The following PTK2 variants were observed in gnomAD, a reference collection of about 807,000 sequenced individuals.
The protein encoded by PTK2 is protein tyrosine kinase 2.
A neutral mutation model predicts 150.1 loss-of-function variants in PTK2; 45 were observed. The ratio of observed to expected loss-of-function variants is 0.30; its 90% CI spans 0.24 to 0.38. The LOEUF is 0.38. PTK2 is among the 10% of genes least tolerant of loss of function. The pLI is 1.00. For missense variants in PTK2, 919 were observed against 1,307.3 expected, an observed-to-expected ratio of 0.70 and a Z score of 4.58; for synonymous variants, 432 against 449.2, an observed-to-expected ratio of 0.96 and a Z score of 0.48.
At chr8:140,736,527 CA>C (rs113241429) in intron 21 of PTK2, among the ~76,000 whole-genome samples, 37 of 143,272 alleles carry the variant, frequency 2.6e-4, no homozygotes, top group Admixed American at 6.2e-4. Flanking sequence ...ATCTAAAATT[CA>C]AAAAAAAAAA....
At chr8:140,660,640 G>A (rs1238922758) in intron 31 of PTK2, 6 of 455,144 alleles carry the variant, frequency 1.3e-5, no homozygotes, top group Admixed American at 2.4e-5. Flanking sequence ...GTGGGAGGAC[G>A]GCTTGAGCCT....
exon 5 of PTK2, chr8:140,864,362 G>A: frequency 6.2e-7 from 1 of 1,600,242 alleles, no homozygotes; most frequent in Non-Finnish European, 8.5e-7. Flanking sequence ...AACTGGTTTA[G>A]AAATCCTTTT....
chr8:140,689,331 C>T (rs1274979207), intron 26 of PTK2, among the ~76,000 whole-genome samples: 2 of 152,078 alleles, frequency 1.3e-5, no homozygotes, highest in South Asian at 4.1e-4. Context: ...CCTGAGAAGA[C>T]GAGACTCCAG....
At chr8:140,838,797 G>C (rs968997867) in intron 7 of PTK2, among the ~76,000 whole-genome samples, 1 of 152,130 alleles carries the variant, frequency 6.6e-6, no homozygotes, top group East Asian at 1.9e-4. Context: ...ACAAGGTCAG[G>C]AGATCGAGAC....
At chr8:140,676,791 A>T (rs1348254163) in intron 27 of PTK2, among the ~76,000 whole-genome samples, 3 of 143,472 alleles carry the variant, frequency 2.1e-5, no homozygotes, top group Admixed American at 7.0e-5. Context: ...AAAAAAAAAT[A>T]GCCAGGTGTG....
chr8:140,678,602 T>G (rs981896188), intron 27 of PTK2, among the ~76,000 whole-genome samples: 1 of 151,918 alleles, frequency 6.6e-6, no homozygotes, highest in Non-Finnish European at 1.5e-5. Context: ...GATCCACCCA[T>G]CTTGGCCTCC....
intron 2 of PTK2, among the ~76,000 whole-genome samples, chr8:140,901,407 C>T (rs2154607696): frequency 6.6e-6 from 1 of 151,992 alleles, no homozygotes; most frequent in East Asian, 1.9e-4. Flanking sequence ...GCAACTAAAG[C>T]AAAAATAAGA....
At chr8:140,859,167 G>C (rs1197265254) in intron 5 of PTK2, among the ~76,000 whole-genome samples, 1 of 152,170 alleles carries the variant, frequency 6.6e-6, no homozygotes, top group Non-Finnish European at 1.5e-5. Flanking sequence ...TTTACCTTAA[G>C]GGTAGAACTG....
chr8:140,750,939 C>T (rs541920744), intron 17 of PTK2, among the ~76,000 whole-genome samples: 107 of 152,116 alleles, frequency 7.0e-4, no homozygotes, highest in African/African-American at 2.5e-3. Flanking sequence ...ACAAAAAAAC[C>T]AACCAACCAA....
intron 17 of PTK2, among the ~76,000 whole-genome samples, chr8:140,748,310 A>G (rs554705035): frequency 1.3e-5 from 2 of 152,232 alleles, no homozygotes; most frequent in Non-Finnish European, 2.9e-5. Flanking sequence ...CCTGGCCAAC[A>G]TGGTGAAACC....
chr8:140,757,833 T>G (rs1234962685), intron 16 of PTK2, among the ~76,000 whole-genome samples: 1 of 152,184 alleles, frequency 6.6e-6, no homozygotes, highest in African/African-American at 2.4e-5. Context: ...TCTCATAAGA[T>G]TATAAAGAAG....
intron 2 of PTK2, among the ~76,000 whole-genome samples, chr8:140,903,398 T>C (rs2100159558): frequency 6.6e-6 from 1 of 152,198 alleles, no homozygotes; most frequent in Non-Finnish European, 1.5e-5. Flanking sequence ...CTGTTTGGGA[T>C]ACTGTAGCCT....
chr8:140,996,424 C>T (rs1161379045), intron 1 of PTK2, among the ~76,000 whole-genome samples: 1 of 152,218 alleles, frequency 6.6e-6, no homozygotes, highest in Non-Finnish European at 1.5e-5. Context: ...ACACTAAACA[C>T]ATTTTAAATG....
intron 18 of PTK2, among the ~76,000 whole-genome samples, chr8:140,745,433 C>T (rs914012928): frequency 6.6e-6 from 1 of 152,112 alleles, no homozygotes; most frequent in African/African-American, 2.4e-5. Flanking sequence ...ATTTTTTGAG[C>T]CGGAAGAATT....
intron 1 of PTK2, among the ~76,000 whole-genome samples, chr8:140,928,255 A>G (rs2100170440): frequency 6.6e-6 from 1 of 152,040 alleles, no homozygotes; most frequent in Non-Finnish European, 1.5e-5. Context: ...AAATGTTAAA[A>G]CCAACCTAAC....
intron 1 of PTK2, among the ~76,000 whole-genome samples, chr8:140,936,923 T>C (rs1406824462): frequency 6.6e-6 from 1 of 152,156 alleles, no homozygotes; most frequent in Non-Finnish European, 1.5e-5. Flanking sequence ...TTTCAGTTAA[T>C]TACATAAAGC....
At chr8:140,669,379 T>G (rs546444561) in intron 29 of PTK2, 10 of 170,226 alleles carry the variant, frequency 5.9e-5, no homozygotes, top group Admixed American at 1.9e-4. Context: ...TACATATAGT[T>G]TAATCATGAA....
At chr8:140,931,447 C>A (rs2100171727) in intron 1 of PTK2, among the ~76,000 whole-genome samples, 1 of 151,868 alleles carries the variant, frequency 6.6e-6, no homozygotes, top group Non-Finnish European at 1.5e-5. Flanking sequence ...TGCCTGTAGT[C>A]CCAGCTGCTC....
rs922203727 is a variant in PTK2, at chr8:140,830,559, A to C, written c.594-33T>G. 55 of 1,239,666 alleles carry C rather than the reference A, an allele frequency of 4.4e-5. No individual in the cohort carries two copies. The Admixed American group carries it at 5.9e-4, about 13-fold the overall frequency. The allele number at this position is 1,239,666 out of a possible 1,614,324, so 76.8% of individuals were successfully genotyped here. A position where few individuals can be genotyped will look rare whatever the true frequency, so the allele number is the denominator to read the frequency against. On this transcript the variant is annotated intron_variant, in intron 7 of 31. Coordinates refer to ENST00000522684, the Ensembl canonical transcript of PTK2. ...ATAAAAAGAAGCGTATTAACAAATA[A>C]CACCACCAAATCAATTAATATGACA... is the stretch of plus-strand genomic sequence containing the variant.
Sources: gnomAD v4.1 joint callset for allele counts (sites outside exome capture counted in the v4.1 genomes callset) on GRCh38, gnomAD v4.1.1 for gene constraint, MANE v1.5 for transcripts, NCBI Gene and HGNC (gene_info 2026-07-23, HGNC 2026-07-21) for gene names.